PLGRKT: variants seen among roughly 807,000 people sequenced by gnomAD.
PLGRKT encodes the protein plasminogen receptor with a C-terminal lysine.
A neutral mutation model predicts 18.5 loss-of-function variants in PLGRKT; 22 were observed. That is an observed-to-expected ratio of 1.19 (90% CI 0.85 to 1.70). PLGRKT has a LOEUF of 1.70. Among genes scored for constraint, PLGRKT ranks in the 40% most tolerant of loss-of-function variants. The probability of loss-of-function intolerance (pLI) is 0.00; values close to 1 mark genes in which losing one functional copy is unlikely to be tolerated. For missense variants in PLGRKT, 235 were observed against 174.4 expected (o/e 1.35, Z -1.96); for synonymous variants, 72 against 52.8 (o/e 1.36, Z -1.58).
chr9:5,436,237 A>G (rs1219454675), intron 2 of PLGRKT, among the ~76,000 whole-genome samples: 2 of 152,242 alleles, frequency 1.3e-5, no homozygotes, highest in African/African-American at 4.8e-5. Flanking sequence ...GATATTATCC[A>G]TCTTGATAGT....
In PLGRKT at chr9:5,404,543, T is replaced by C. The variant is rs557137847; in HGVS notation, c.81+27354A>G. ...GACAAAAACCATATAATTATCTCAA[T>C]AGATGCAAAAAACACCTTTGATAAA... On this transcript the variant is annotated intron_variant, in intron 3 of 5. Transcript: ENST00000223864. Among the ~76,000 whole-genome samples, 6 of 152,258 alleles carry C rather than the reference T, an allele frequency of 3.9e-5. No homozygotes were observed. In the South Asian group the frequency reaches 1.2e-3, roughly 32 times the overall value.
intron 3 of PLGRKT, among the ~76,000 whole-genome samples, chr9:5,424,687 T>TAC (rs1480992317): frequency 5.8e-5 from 4 of 69,462 alleles, no homozygotes; most frequent in South Asian, 8.5e-4. Context: ...TATATATATA[T>TAC]ATATACACAC....
chr9:5,432,734 G>T (rs1187795513), intron 2 of PLGRKT, among the ~76,000 whole-genome samples: 2 of 152,228 alleles, frequency 1.3e-5, no homozygotes, highest in African/African-American at 2.4e-5. Context: ...CTGGCCTCGG[G>T]TGATCTGCCC....
At chr9:5,381,256 C>T (rs1269126275) in intron 3 of PLGRKT, among the ~76,000 whole-genome samples, 1 of 152,228 alleles carries the variant, frequency 6.6e-6, no homozygotes, top group East Asian at 1.9e-4. Context: ...CAGCCCCTCC[C>T]ATTACAAACC....
intron 3 of PLGRKT, among the ~76,000 whole-genome samples, chr9:5,420,523 C>T (rs769725693): frequency 9.9e-5 from 15 of 152,028 alleles, no homozygotes; most frequent in East Asian, 1.9e-4. Context: ...AGCCCCAGAA[C>T]GAAAAGCTAA....
At chr9:5,386,909 A>C (rs1022952748) in intron 3 of PLGRKT, among the ~76,000 whole-genome samples, 5 of 151,928 alleles carry the variant, frequency 3.3e-5, no homozygotes, top group Non-Finnish European at 7.3e-5. Flanking sequence ...CTCAACTATG[A>C]AATGCCTGGG....
chr9:5,421,912 G>C (rs893867446), intron 3 of PLGRKT, among the ~76,000 whole-genome samples: 6 of 152,186 alleles, frequency 3.9e-5, no homozygotes, highest in Non-Finnish European at 1.5e-5. Context: ...ACTGATTAAA[G>C]AGTTTATAGT....
intron 3 of PLGRKT, among the ~76,000 whole-genome samples, chr9:5,387,577 G>A (rs1040426485): frequency 6.6e-6 from 1 of 151,848 alleles, no homozygotes; most frequent in Non-Finnish European, 1.5e-5. Flanking sequence ...CCATATATAA[G>A]GAGCGTTAAA....
At chr9:5,394,303 A>G (rs578090004) in intron 3 of PLGRKT, among the ~76,000 whole-genome samples, 1 of 152,026 alleles carries the variant, frequency 6.6e-6, no homozygotes, top group South Asian at 2.1e-4. Context: ...TAACATAGCC[A>G]TAGAGAAAAG....
intron 4 of PLGRKT, among the ~76,000 whole-genome samples, chr9:5,361,437 T>A (rs1413152536): frequency 6.6e-6 from 1 of 152,336 alleles, no homozygotes; most frequent in South Asian, 2.1e-4. Flanking sequence ...AGGTTCCTTG[T>A]TTTTAAAATG....
In PLGRKT at chr9:5,411,488, T is replaced by C. The variant is rs553451529; in HGVS notation, c.81+20409A>G. Among the ~76,000 whole-genome samples the C allele has an allele frequency of 8.5e-5, 13 of 152,110 alleles. 1 individual carries two copies. The South Asian group carries it at 2.7e-3, about 32-fold the overall frequency. The stretch of plus-strand genomic sequence containing the variant: ...GGTATCCTTCTCCCCATCTTAGAGA[T>C]GAAGAAGCCAGACTCAGAGAGCCTG... On this transcript the variant is annotated intron_variant, in intron 3 of 5. Coordinates refer to ENST00000223864, the MANE Select transcript of PLGRKT (RefSeq NM_018465.4).
intron 3 of PLGRKT, among the ~76,000 whole-genome samples, chr9:5,371,385 C>G (rs1367709254): frequency 6.6e-6 from 1 of 152,108 alleles, no homozygotes; most frequent in South Asian, 2.1e-4. Flanking sequence ...TGGGAGGGAA[C>G]CAGGTGGAAG....
chr9:5,428,454 A>T (rs1315821483), intron 3 of PLGRKT, among the ~76,000 whole-genome samples: 1 of 152,174 alleles, frequency 6.6e-6, no homozygotes, highest in Non-Finnish European at 1.5e-5. Flanking sequence ...CAGAGCTCCA[A>T]AGACTGCAAG....
chr9:5,414,201 C>G (rs1034128588), intron 3 of PLGRKT, among the ~76,000 whole-genome samples: 3 of 152,228 alleles, frequency 2.0e-5, no homozygotes, highest in African/African-American at 4.8e-5. Flanking sequence ...GAGTCTCACT[C>G]TGTCACCCAG....
At chr9:5,402,076 C>G (rs981540114) in intron 3 of PLGRKT, among the ~76,000 whole-genome samples, 6 of 151,788 alleles carry the variant, frequency 4.0e-5, no homozygotes, top group Non-Finnish European at 7.4e-5. Context: ...TGCTAGAAAA[C>G]TTGTTACAGT....
chr9:5,381,312 C>T (rs1817740831), intron 3 of PLGRKT, among the ~76,000 whole-genome samples: 1 of 152,224 alleles, frequency 6.6e-6, no homozygotes, highest in East Asian at 1.9e-4. Context: ...AGGCCCAGTG[C>T]CCCACTGCTC....
chr9:5,412,724 C>A lies in PLGRKT; in HGVS notation c.81+19173G>T, dbSNP rs150302078. Among the ~76,000 whole-genome samples the A allele has an allele frequency of 2.6e-3, 392 of 152,292 alleles. 2 individuals are homozygous for A. Among genetic ancestry groups the A allele is most frequent in the African/African-American group, 8.5e-3 (355 of 41,570 alleles). On this transcript the variant is annotated intron_variant, in intron 3 of 5. Transcript: ENST00000223864. ...CTGTGGTATAGGGAAAAGCTTTCTA[C>A]ATCAAGAATCAAAATGTAGAGTAAA...
chr9:5,369,704 T>C (rs1235637331), intron 3 of PLGRKT, among the ~76,000 whole-genome samples: 3 of 152,174 alleles, frequency 2.0e-5, no homozygotes, highest in South Asian at 2.1e-4. Context: ...CCATCAATGA[T>C]AGACTGGCTA....
chr9:5,420,089 G>C (rs1020915441), intron 3 of PLGRKT, among the ~76,000 whole-genome samples: 2 of 152,216 alleles, frequency 1.3e-5, no homozygotes, highest in Admixed American at 1.3e-4. Context: ...ATGAATCTTA[G>C]AAAGGTTATG....
Sources: allele counts gnomAD v4.1 joint callset (sites outside exome capture counted in the v4.1 genomes callset), GRCh38; gene constraint gnomAD v4.1.1; transcripts MANE v1.5; gene names NCBI Gene and HGNC (gene_info 2026-07-23, HGNC 2026-07-21).